The following C2CD5 variants were observed in gnomAD, a reference collection of about 807,000 sequenced individuals.
C2CD5 encodes C2 domain-containing protein 5.
In C2CD5, 109 loss-of-function variants were observed where a neutral mutation model predicts 130.3. The observed-to-expected ratio is 0.84, with a 90% confidence interval of 0.72 to 0.98. The LOEUF is 0.98. C2CD5 is among the 50% of genes least tolerant of loss of function. The pLI is 0.00. For synonymous variants in C2CD5, 454 were observed against 429.2 expected, an observed-to-expected ratio of 1.06 and a Z score of -0.71; for missense variants, 996 against 1,261.8, an observed-to-expected ratio of 0.79 and a Z score of 3.19.
chr12:22,474,546 G>C (rs1344673795), intron 16 of C2CD5, among the ~76,000 whole-genome samples: 5 of 152,162 alleles, frequency 3.3e-5, no homozygotes, highest in East Asian at 1.9e-4. Context: ...AGAACCATCT[G>C]CATTATTGTA....
intron 10 of C2CD5, 31 bp from the exon 11 acceptor site, chr12:22,493,368 C>A: frequency 1.8e-6 from 2 of 1,103,148 alleles, no homozygotes; most frequent in Non-Finnish European, 1.4e-6. Flanking sequence ...CAGTTTATTA[C>A]TCAATAGCAC....
intron 10 of C2CD5, among the ~76,000 whole-genome samples, chr12:22,504,457 A>G (rs1948225155): frequency 6.6e-6 from 1 of 151,974 alleles, no homozygotes; most frequent in African/African-American, 2.4e-5. Context: ...GCCTGCCACC[A>G]GGCCCAGCTA....
chr12:22,501,318 G>A (rs998376341), intron 10 of C2CD5, among the ~76,000 whole-genome samples: 2 of 151,996 alleles, frequency 1.3e-5, no homozygotes, highest in Non-Finnish European at 2.9e-5. Context: ...TTCTGCTTAC[G>A]TGGGACAACG....
chr12:22,529,510 T>C (rs981163486), intron 3 of C2CD5, among the ~76,000 whole-genome samples: 4 of 152,130 alleles, frequency 2.6e-5, no homozygotes, highest in Admixed American at 6.6e-5. Context: ...TAAAAATAGC[T>C]TGTGATACAT....
chr12:22,470,416 C>A (rs1942835469), intron 21 of C2CD5, among the ~76,000 whole-genome samples: 1 of 152,056 alleles, frequency 6.6e-6, no homozygotes, highest in Non-Finnish European at 1.5e-5. Context: ...ATTAAGGCCA[C>A]CTTTGTGAAT....
chr12:22,536,324 C>A (rs766436899), intron 2 of C2CD5, among the ~76,000 whole-genome samples: 1 of 152,094 alleles, frequency 6.6e-6, no homozygotes, highest in South Asian at 2.1e-4. Flanking sequence ...TTGAACCATG[C>A]ATAATACTAC....
intron 10 of C2CD5, among the ~76,000 whole-genome samples, chr12:22,496,811 T>A (rs149616086): frequency 2.0e-5 from 3 of 151,990 alleles, no homozygotes; most frequent in Non-Finnish European, 4.4e-5. Flanking sequence ...ATTGCAGGCA[T>A]GAACTGAGCA....
chr12:22,495,673 G>A (rs1946920056), intron 10 of C2CD5, among the ~76,000 whole-genome samples: 1 of 151,978 alleles, frequency 6.6e-6, no homozygotes, highest in South Asian at 2.1e-4. Flanking sequence ...ACATGAGGAT[G>A]CCATTATTGT....
At chr12:22,520,294 C>T (rs1950158115) in intron 7 of C2CD5, among the ~76,000 whole-genome samples, 1 of 152,010 alleles carries the variant, frequency 6.6e-6, no homozygotes, top group Admixed American at 6.6e-5. Context: ...GGCAAAGAGC[C>T]CAACTTTACC....
At position 22,527,807 on chromosome 12, in the gene C2CD5, T is replaced by G; in HGVS notation, c.263A>C (p.Lys88Thr). The change falls in exon 4 of 27, where the codon AAA becomes ACA. Residue 88 changes from lysine (K) to threonine (T), a missense_variant. By Grantham distance (78) the Lys-to-Thr change is moderately conservative. This residue lies in a region of C2CD5 where 68 missense variants were observed against 154.5 expected (regional missense o/e 0.44). Transcript: ENST00000446597. ...DTYSANDAIG[K>T]VYIDIDPLLY... ...TAAAGGATCAATATCAATGTACACTTTACCAATGGCATCATTTGCACTGTA... is the reference window on the plus strand; with the variant it reads ...TAAAGGATCAATATCAATGTACACTGTACCAATGGCATCATTTGCACTGTA... 1 of 1,610,664 alleles carries G rather than the reference T, an allele frequency of 6.2e-7. No homozygotes were observed. Among genetic ancestry groups the G allele is most frequent in the Admixed American group, 1.7e-5 (1 of 59,978 alleles).
chr12:22,472,110 A>G (rs749154483), intron 18 of C2CD5, 45 bp from the exon 19 acceptor site: 29 of 1,149,778 alleles, frequency 2.5e-5, no homozygotes, highest in South Asian at 2.5e-4. Flanking sequence ...ATTTTTAACT[A>G]AATATTTTAA....
intron 10 of C2CD5, among the ~76,000 whole-genome samples, chr12:22,498,557 T>C (rs1349533282): frequency 6.6e-6 from 1 of 152,214 alleles, no homozygotes; most frequent in Non-Finnish European, 1.5e-5. Flanking sequence ...CTAAACTAAA[T>C]GAATTTTCTA....
At position 22,535,330 on chromosome 12, in the gene C2CD5, AT is replaced by A; in HGVS notation, c.104del (p.Asn35IlefsTer90). 6.4e-7 allele frequency: 1 copy of A among 1,574,092 alleles called. No homozygotes were observed. Among genetic ancestry groups the A allele is most frequent in the Non-Finnish European group, 8.7e-7 (1 of 1,144,672 alleles). On this transcript the variant is annotated frameshift_variant, in exon 3 of 27. Transcript: ENST00000446597. LOFTEE classifies it high-confidence loss of function. ...GGTACACATCTGTTTTAAAGGTGGT[AT>A]TACCAAATTTTACCTAAAAACAAAT... Reference protein sequence around the residue: ...TDAFVEVKFGNTTFKTDVYLK... With the variant: ...TDAFVEVKFGXTTFKTDVYLK...
At chr12:22,540,559 A>G (rs1292679846) in intron 2 of C2CD5, among the ~76,000 whole-genome samples, 1 of 152,186 alleles carries the variant, frequency 6.6e-6, no homozygotes, top group Non-Finnish European at 1.5e-5. Context: ...GTACTTCCAT[A>G]TTAAAATAAT....
At chr12:22,510,453 C>T (rs1214374463) in intron 9 of C2CD5, among the ~76,000 whole-genome samples, 1 of 152,132 alleles carries the variant, frequency 6.6e-6, no homozygotes, top group African/African-American at 2.4e-5. Flanking sequence ...ATCATCAGAG[C>T]ACAATGGGAG....
At chr12:22,476,894 A>G (rs1943919143) in intron 15 of C2CD5, among the ~76,000 whole-genome samples, 1 of 152,170 alleles carries the variant, frequency 6.6e-6, no homozygotes, top group South Asian at 2.1e-4. Flanking sequence ...TACTATAAAC[A>G]GATGTTCAAA....
At chr12:22,450,147 C>A (rs1160211030) in intron 26 of C2CD5, among the ~76,000 whole-genome samples, 1 of 152,066 alleles carries the variant, frequency 6.6e-6, no homozygotes, top group African/African-American at 2.4e-5. Context: ...GACAACGAGA[C>A]ACCACTTCAT....
At chr12:22,474,390 T>C (rs1304040072) in intron 16 of C2CD5, among the ~76,000 whole-genome samples, 1 of 152,156 alleles carries the variant, frequency 6.6e-6, no homozygotes, top group Non-Finnish European at 1.5e-5. Flanking sequence ...CTAAAAAATG[T>C]TATAACTACA....
At chr12:22,468,060 G>C (rs1942387084) in intron 22 of C2CD5, among the ~76,000 whole-genome samples, 1 of 148,298 alleles carries the variant, frequency 6.7e-6, no homozygotes, top group Non-Finnish European at 1.5e-5. Flanking sequence ...TTGTCGATTA[G>C]GTTTTAGGGC....
Sources: gnomAD v4.1 joint callset for allele counts (sites outside exome capture counted in the v4.1 genomes callset) on GRCh38, gnomAD v4.1.1 for gene constraint, gnomAD v4.1.1 regional missense constraint, MANE v1.5 for transcripts, NCBI Gene and HGNC (gene_info 2026-07-23, HGNC 2026-07-21) for gene names.